Variants in NRXN1 observed in about 807,000 individuals in gnomAD.
NRXN1 encodes neurexin 1, also known as neurexin-1.
In NRXN1, 39 loss-of-function variants were observed where a neutral mutation model predicts 150.9. The observed-to-expected ratio is 0.26, with a 90% CI of 0.20 to 0.34. The LOEUF is 0.34. NRXN1 is among the 10% of genes least tolerant of loss of function. The probability of loss-of-function intolerance (pLI) is 1.00; values close to 1 mark genes in which losing one functional copy is unlikely to be tolerated. For synonymous variants in NRXN1, 924 were observed against 757.0 expected, an observed-to-expected ratio of 1.22 and a Z score of -3.62; for missense variants, 1,815 against 1,949.9, an observed-to-expected ratio of 0.93 and a Z score of 1.30.
intron 21 of NRXN1, chr2:49,972,710 T>G (rs931010203): frequency 2.6e-5 from 4 of 152,214 alleles, no homozygotes; most frequent in African/African-American, 9.6e-5. Flanking sequence ...TCATGGAATT[T>G]CTTCCCTTTA....
intron 15 of NRXN1, among the ~76,000 whole-genome samples, chr2:50,494,848 C>T (rs979984183): frequency 1.3e-5 from 2 of 151,750 alleles, no homozygotes; most frequent in African/African-American, 4.8e-5. Context: ...GCCTGACCAA[C>T]ACGGCAAAAA....
Position 50,371,437 on chromosome 2 carries a change from C to A in NRXN1, c.3364+94005G>T, listed in dbSNP as rs903731098. Among the ~76,000 whole-genome samples, 4 of 152,052 alleles carry A rather than the reference C, an allele frequency of 2.6e-5. No homozygotes were observed. In the South Asian group the frequency reaches 8.3e-4, roughly 32 times the overall value. On this transcript the variant is annotated intron_variant, in intron 17 of 22. Transcript: ENST00000401669. ...ATGCCTTGTACTCAAGAATTTCTAACAAAAAATCAAATATTTTATTTTTAG... is the reference window on the plus strand; with the variant it reads ...ATGCCTTGTACTCAAGAATTTCTAAAAAAAAATCAAATATTTTATTTTTAG...
At chr2:50,139,066 C>T (rs1377541364) in intron 18 of NRXN1, among the ~76,000 whole-genome samples, 1 of 152,144 alleles carries the variant, frequency 6.6e-6, no homozygotes, top group Non-Finnish European at 1.5e-5. Context: ...TGGCTCATAC[C>T]TGTAATCCCA....
rs1693381677 is a variant in NRXN1, at chr2:50,055,015, C to T, written c.3748G>A (p.Ala1250Thr). The T allele has an allele frequency of 6.2e-7, 1 of 1,601,720 alleles. No homozygotes were observed. The change falls in exon 20 of 23, where the codon GCT becomes ACT. Residue 1250 changes from alanine to threonine, a missense_variant. Physicochemically the swap from Ala to Thr is moderately conservative, Grantham distance 58. Transcript: ENST00000401669. ...GNNDNERLAI[A>T]RQRIPYRLGR... ...AGTCGATATGGAATTCGCTGTCTAG[C>T]AATCGCCAGGCGCTCGTTATCATTG... is the stretch of plus-strand genomic sequence containing the variant.
At chr2:50,459,312 T>A (rs1418871134) in intron 17 of NRXN1, among the ~76,000 whole-genome samples, 1 of 152,144 alleles carries the variant, frequency 6.6e-6, no homozygotes, top group East Asian at 1.9e-4. Flanking sequence ...TACTAAGTAT[T>A]TTTTTACTTT....
intron 18 of NRXN1, among the ~76,000 whole-genome samples, chr2:50,108,674 A>T (rs1446107166): frequency 6.6e-6 from 1 of 152,134 alleles, no homozygotes; most frequent in African/African-American, 2.4e-5. Context: ...TCACTTGGTA[A>T]ACTAGAACAA....
At chr2:49,991,251 A>C (rs1681897513) in intron 21 of NRXN1, among the ~76,000 whole-genome samples, 1 of 152,110 alleles carries the variant, frequency 6.6e-6, no homozygotes, top group Admixed American at 6.5e-5. Context: ...ACAAGAAAAA[A>C]ATAGTAGGAA....
At chr2:50,306,878 T>G (rs1379018526) in intron 17 of NRXN1, among the ~76,000 whole-genome samples, 1 of 152,224 alleles carries the variant, frequency 6.6e-6, no homozygotes, top group Non-Finnish European at 1.5e-5. Context: ...TATAAATAGT[T>G]CTTCAGTTTC....
At chr2:50,290,754 GT>G (rs541781151) in intron 17 of NRXN1, among the ~76,000 whole-genome samples, 23 of 152,054 alleles carry the variant, frequency 1.5e-4, no homozygotes, top group Non-Finnish European at 3.2e-4. Context: ...ATGGAATTTG[GT>G]TTTAAAGAAA....
intron 18 of NRXN1, among the ~76,000 whole-genome samples, chr2:50,113,841 T>C (rs947914813): frequency 6.6e-6 from 1 of 152,150 alleles, no homozygotes; most frequent in Non-Finnish European, 1.5e-5. Flanking sequence ...TCAGTTATTA[T>C]TATATCGAAA....
At chr2:50,795,500 C>T (rs1163468806) in intron 5 of NRXN1, among the ~76,000 whole-genome samples, 4 of 151,994 alleles carry the variant, frequency 2.6e-5, no homozygotes, top group African/African-American at 9.7e-5. Flanking sequence ...CTTGCCTCTT[C>T]CTGCTCCTCC....
At chr2:50,769,234 A>T (rs988087094) in intron 5 of NRXN1, among the ~76,000 whole-genome samples, 2 of 151,996 alleles carry the variant, frequency 1.3e-5, no homozygotes, top group Non-Finnish European at 1.5e-5. Context: ...CTTTCCACCT[A>T]GAGGGCTCTT....
At chr2:50,856,966 C>T (rs1277040395) in intron 5 of NRXN1, among the ~76,000 whole-genome samples, 4 of 152,044 alleles carry the variant, frequency 2.6e-5, no homozygotes, top group Non-Finnish European at 4.4e-5. Context: ...CCAGATACCA[C>T]AAGAGACAAA....
chr2:50,362,428 T>C (rs1157541166), intron 17 of NRXN1, among the ~76,000 whole-genome samples: 1 of 152,060 alleles, frequency 6.6e-6, no homozygotes, highest in African/African-American at 2.4e-5. Context: ...TGTGCAAAAA[T>C]CACAAGCTTT....
intron 8 of NRXN1, among the ~76,000 whole-genome samples, chr2:50,587,611 T>C (rs959726122): frequency 1.3e-5 from 2 of 152,220 alleles, no homozygotes; most frequent in African/African-American, 2.4e-5. Context: ...TTCTGAATTA[T>C]AGTTATTTGG....
At position 50,564,077 on chromosome 2, in the gene NRXN1, T is replaced by G. The variant is rs559216518; in HGVS notation, c.1321-11052A>C. ...AAAACAATGTGTTATAAGATTTATA[T>G]TTACATATATTCAAACAGTCTCAGG... On this transcript the variant is annotated intron_variant, in intron 8 of 22. Transcript: ENST00000401669. 2.0e-5 allele frequency among the ~76,000 whole-genome samples: 3 copies of G among 152,348 alleles called. No homozygotes were observed. The South Asian group carries it at 6.2e-4, about 32-fold the overall frequency.
chr2:49,980,937 C>CT (rs761156843), intron 21 of NRXN1, among the ~76,000 whole-genome samples: 41 of 152,140 alleles, frequency 2.7e-4, no homozygotes, highest in Non-Finnish European at 4.7e-4. Flanking sequence ...GAGAAAAGTC[C>CT]TCAGCCATTT....
At chr2:50,666,879 A>G (rs61084942) in intron 5 of NRXN1, among the ~76,000 whole-genome samples, 53,637 of 106,638 alleles carry the variant, frequency 0.5, 10,945 homozygotes, top group East Asian at 0.55. Context: ...GATGATGATG[A>G]TGTGTGTGTG....
At chr2:50,270,961 A>G (rs1419186124) in intron 17 of NRXN1, among the ~76,000 whole-genome samples, 2 of 152,280 alleles carry the variant, frequency 1.3e-5, no homozygotes, top group South Asian at 4.1e-4. Context: ...GCCCGGCCAT[A>G]TACAGATATA....
Sources: allele counts gnomAD v4.1 joint callset (sites outside exome capture counted in the v4.1 genomes callset), GRCh38; gene constraint gnomAD v4.1.1; transcripts MANE v1.5; gene names NCBI Gene and HGNC (gene_info 2026-07-23, HGNC 2026-07-21).